Variants in THADA observed in about 807,000 individuals in gnomAD.
The protein encoded by THADA is tRNA (32-2'-O)-methyltransferase regulator THADA.
THADA carries 213 observed loss-of-function variants against 219.8 expected under a neutral mutation model. The ratio of observed to expected loss-of-function variants is 0.97; its 90% CI spans 0.87 to 1.09. The LOEUF (loss-of-function observed/expected upper bound fraction) is 1.09. Among genes scored for constraint, THADA ranks in the 50% least tolerant of loss-of-function variants. The pLI is 0.00. For missense variants in THADA, 2,956 were observed against 2,311.3 expected, an observed-to-expected ratio of 1.28 and a Z score of -5.72; for synonymous variants, 1,018 against 828.9, an observed-to-expected ratio of 1.23 and a Z score of -3.92.
rs985614954 is a variant in THADA, at chr2:43,231,403, C to T, written c.5467-60G>A. The T allele has an allele frequency of 5.7e-5, 82 of 1,450,110 alleles. No homozygotes were observed. In the African/African-American group the frequency reaches 1.0e-3, roughly 18 times the overall value. The allele number at this position is 1,450,110 out of a possible 1,614,324, so 89.8% of individuals were successfully genotyped here. A position where few individuals can be genotyped will look rare whatever the true frequency, so the allele number is the denominator to read the frequency against. ...CAGGGAATGGTGACAAGCCCCAGTC[C>T]AGACCAAGCAGTACCCTGCCAGATG... On this transcript the variant is annotated intron_variant, in intron 37 of 37. Coordinates refer to ENST00000405975, the MANE Select transcript of THADA (RefSeq NM_022065.5).
chr2:43,366,354 G>A (rs1183545582), intron 29 of THADA, among the ~76,000 whole-genome samples: 2 of 152,198 alleles, frequency 1.3e-5, no homozygotes, highest in African/African-American at 2.4e-5. Flanking sequence ...GAGTGAAGAA[G>A]AAAAAGCTCA....
At chr2:43,403,491 G>C (rs989957803) in intron 28 of THADA, among the ~76,000 whole-genome samples, 1 of 152,100 alleles carries the variant, frequency 6.6e-6, no homozygotes, top group Non-Finnish European at 1.5e-5. Flanking sequence ...GGAACTTTAA[G>C]GCTCAGTAGC....
intron 30 of THADA, among the ~76,000 whole-genome samples, chr2:43,337,522 A>G (rs1558602738): frequency 1.3e-5 from 2 of 152,214 alleles, no homozygotes; most frequent in African/African-American, 2.4e-5. Context: ...AATTTTTTAT[A>G]TCTTAGTTAA....
intron 27 of THADA, among the ~76,000 whole-genome samples, chr2:43,429,713 C>A (rs965636646): frequency 6.6e-6 from 1 of 150,770 alleles, no homozygotes; most frequent in African/African-American, 2.4e-5. Context: ...TCTGTACCAC[C>A]GAAAATGGAA....
At chr2:43,589,327 G>T (rs1701313092) in intron 4 of THADA, among the ~76,000 whole-genome samples, 1 of 152,152 alleles carries the variant, frequency 6.6e-6, no homozygotes, top group Non-Finnish European at 1.5e-5. Flanking sequence ...CTATAACAGG[G>T]ATGAACCTTA....
chr2:43,556,278 A>G, intron 17 of THADA, 67 bp downstream of exon 17: 1 of 1,576,134 alleles, frequency 6.3e-7, no homozygotes, highest in Non-Finnish European at 8.6e-7. Context: ...TAACCATTAG[A>G]TATTCTAACC....
Position 43,499,102 on chromosome 2 carries a change from A to C in THADA, c.3622-147T>G, listed in dbSNP as rs551278893. The C allele has an allele frequency of 4.7e-4, 421 of 891,808 alleles. 2 individuals carry two copies. The African/African-American group carries it at 5.8e-3, about 12-fold the overall frequency. 55.2% of individuals were successfully genotyped at this position (891,808 alleles called of 1,614,324 possible). A position where few individuals can be genotyped will look rare whatever the true frequency, so the allele number is the denominator to read the frequency against. ...CGCAAATGAAATAGCAGATTTAATA[A>C]AACACATCCAGTAGCTGATAAACCA... On this transcript the variant is annotated intron_variant, in intron 24 of 37. Transcript: ENST00000405975.
At chr2:43,277,906 A>G (rs771408894) in intron 36 of THADA, among the ~76,000 whole-genome samples, 13 of 152,142 alleles carry the variant, frequency 8.5e-5, no homozygotes, top group Non-Finnish European at 1.5e-4. Flanking sequence ...AGTTACCACC[A>G]GCACTTGATA....
rs541344334 is a variant in THADA, at chr2:43,589,995, C to T, written c.302+829G>A. ...CAGAGCATTCTGTAGAGTATAATCT[C>T]GTTTACAGATATATATAAAAAAAGT... On this transcript the variant is annotated intron_variant, in intron 4 of 37. Transcript: ENST00000405975. 1.5e-3 allele frequency among the ~76,000 whole-genome samples: 221 copies of T among 152,038 alleles called. 3 individuals are homozygous for T. The South Asian group carries it at 0.021, about 15-fold the overall frequency.
chr2:43,368,573 T>G (rs1331883287), intron 29 of THADA, among the ~76,000 whole-genome samples: 1 of 151,930 alleles, frequency 6.6e-6, no homozygotes, highest in Non-Finnish European at 1.5e-5. Context: ...GCTATTTTTT[T>G]TTTTTGTGGA....
At chr2:43,448,560 C>CTTTTTTTT (rs71410179) in intron 26 of THADA, among the ~76,000 whole-genome samples, 2 of 103,620 alleles carry the variant, frequency 1.9e-5, no homozygotes, top group Non-Finnish European at 1.9e-5. Context: ...TTCTTCCTTT[C>CTTTTTTTT]TTTTTTTTTT....
chr2:43,286,922 G>A lies in THADA; in HGVS notation c.5150C>T (p.Pro1717Leu), dbSNP rs754071648. 1 of 1,612,840 alleles carries A rather than the reference G, an allele frequency of 6.2e-7. No homozygotes were observed. ...TSTTPLFLTN[P>L]HPILELQDTL... ...GGCGCACTTACCAAGAATAGGATGG[G>A]GGTTGGTGAGGAAAAGTGGTGTAGT... Residue 1717 changes from proline to leucine, a missense_variant, in exon 35 of 38, where the codon CCC (proline) becomes CTC (leucine). By Grantham distance (98) the Pro-to-Leu change is moderately conservative. Transcript: ENST00000405975.
intron 10 of THADA, 146 bp from the exon 11 acceptor site, chr2:43,575,173 A>C: frequency 1.5e-6 from 1 of 651,304 alleles, no homozygotes. Flanking sequence ...AAAAACTACA[A>C]GTAAAGCCAA....
intron 24 of THADA, among the ~76,000 whole-genome samples, chr2:43,502,743 C>A (rs947749940): frequency 6.6e-6 from 1 of 151,694 alleles, no homozygotes; most frequent in Non-Finnish European, 1.5e-5. Context: ...AAAATATCTA[C>A]ATAATAATAG....
At chr2:43,554,734 T>G (rs1045731396) in intron 17 of THADA, among the ~76,000 whole-genome samples, 2 of 152,200 alleles carry the variant, frequency 1.3e-5, no homozygotes, top group Non-Finnish European at 2.9e-5. Context: ...TGGCATCATC[T>G]CATAAAGTTC....
chr2:43,428,454 A>T (rs1678789829), intron 27 of THADA, among the ~76,000 whole-genome samples: 1 of 152,088 alleles, frequency 6.6e-6, no homozygotes, highest in African/African-American at 2.4e-5. Flanking sequence ...CTAATACAAA[A>T]AACTAGCCGA....
At chr2:43,232,350 T>TTTGTG (rs1667540132) in intron 37 of THADA, among the ~76,000 whole-genome samples, 1 of 152,110 alleles carries the variant, frequency 6.6e-6, no homozygotes, top group Non-Finnish European at 1.5e-5. Context: ...GGCTAATTTT[T>TTTGTG]TGTATTTTTA....
intron 30 of THADA, among the ~76,000 whole-genome samples, chr2:43,336,712 C>G (rs1173145692): frequency 1.3e-5 from 2 of 152,166 alleles, no homozygotes; most frequent in Admixed American, 6.5e-5. Flanking sequence ...AGGGTAAGGC[C>G]TGGCATCACA....
chr2:43,338,573 ACTACT>A (rs1252951836), intron 30 of THADA, among the ~76,000 whole-genome samples: 1 of 152,116 alleles, frequency 6.6e-6, no homozygotes, highest in Non-Finnish European at 1.5e-5. Flanking sequence ...CTAGGTCTTG[ACTACT>A]CTATGTACTT....
Sources: allele counts gnomAD v4.1 joint callset (sites outside exome capture counted in the v4.1 genomes callset), GRCh38; gene constraint gnomAD v4.1.1; transcripts MANE v1.5; gene names NCBI Gene and HGNC (gene_info 2026-07-23, HGNC 2026-07-21).